EFCAB6: variants seen among roughly 807,000 people sequenced by gnomAD.
EFCAB6 encodes the protein EF-hand calcium binding domain 6, also known as EF-hand calcium-binding domain-containing protein 6.
A neutral mutation model predicts 169.8 loss-of-function variants in EFCAB6; 156 were observed. The ratio of observed to expected loss-of-function variants is 0.92; its 90% CI spans 0.81 to 1.05. The LOEUF (loss-of-function observed/expected upper bound fraction) is 1.05. Among genes scored for constraint, EFCAB6 ranks in the 50% least tolerant of loss-of-function variants. The pLI, the probability that EFCAB6 is intolerant of heterozygous loss-of-function variation, is 0.00. For synonymous variants in EFCAB6, 698 were observed against 676.4 expected (o/e 1.03, Z -0.50); for missense variants, 1,800 against 1,829.1 (o/e 0.98, Z 0.29).
intron 2 of EFCAB6, among the ~76,000 whole-genome samples, chr22:43,793,558 C>T (rs143455773): frequency 6.6e-6 from 1 of 152,322 alleles, no homozygotes; most frequent in African/African-American, 2.4e-5. Context: ...AGTCACTCAC[C>T]ATTTAACTCA....
At chr22:43,670,149 G>A (rs1010613776) in intron 15 of EFCAB6, among the ~76,000 whole-genome samples, 4 of 152,186 alleles carry the variant, frequency 2.6e-5, no homozygotes, top group Non-Finnish European at 2.9e-5. Flanking sequence ...CCTCATTATC[G>A]TCCAACAAAC....
Position 43,678,081 on chromosome 22 carries a change from T to G in EFCAB6, c.1334A>C (p.Lys445Thr). ...AGGGTCAAGCATTTGCATTAGTTCTTTGAATTCTGAATCGCTTAGTTTTAC... is the reference window on the plus strand; with the variant it reads ...AGGGTCAAGCATTTGCATTAGTTCTGTGAATTCTGAATCGCTTAGTTTTAC... The part of the protein sequence containing the change: ...MAVKLSDSEF[K>T]ELMQMLDPGD... Residue 445 changes from lysine (K) to threonine (T), a missense_variant, in exon 13 of 32, where the codon AAA (lysine) becomes ACA (threonine). Lys to Thr is a moderately conservative substitution (Grantham distance 78). Coordinates refer to ENST00000262726, the MANE Select transcript of EFCAB6 (RefSeq NM_022785.4). The G allele has an allele frequency of 1.9e-6, 3 of 1,614,010 alleles. No individual in the cohort carries two copies. Among genetic ancestry groups the G allele is most frequent in the Non-Finnish European group, 2.5e-6 (3 of 1,179,974 alleles).
Position 43,537,248 on chromosome 22 carries a change from A to T in EFCAB6, c.4048+129T>A. 9.2e-6 allele frequency: 11 copies of T among 1,189,594 alleles called. No individual in the cohort carries two copies. The highest frequency in any genetic ancestry group is 1.3e-5 in the Non-Finnish European group (11 of 840,860). 73.7% of individuals were successfully genotyped at this position (1,189,594 alleles called of 1,614,324 possible). A position where few individuals can be genotyped will look rare whatever the true frequency, so the allele number is the denominator to read the frequency against. ...TAGTAAGCTGCACAGCCCACCCAGA[A>T]GTTCCCACCAGTTTCCTGTTCTGCT... On this transcript the variant is annotated intron_variant, in intron 29 of 31. Coordinates refer to ENST00000262726, the MANE Select transcript of EFCAB6 (RefSeq NM_022785.4). This position sits in a 1 kb window ranked among gnomAD's most constrained non-coding sequence, Gnocchi z 4.3.
At position 43,744,187 on chromosome 22, in the gene EFCAB6, T is replaced by A. The variant is rs537805686; in HGVS notation, c.508-8194A>T. Among the ~76,000 whole-genome samples the A allele has an allele frequency of 6.6e-6, 1 of 150,852 alleles. No homozygotes were observed. Among genetic ancestry groups the A allele is most frequent in the South Asian group, 2.1e-4 (1 of 4,762 alleles). On this transcript the variant is annotated intron_variant, in intron 6 of 31. Coordinates refer to ENST00000262726, the MANE Select transcript of EFCAB6 (RefSeq NM_022785.4). This position sits in a 1 kb window ranked among gnomAD's most constrained non-coding sequence, Gnocchi z 4.3. ...ATAGATGGGTAGATGGATGAATGGA[T>A]GGATGATGAATGAATGGATGGAAGG...
intron 17 of EFCAB6, among the ~76,000 whole-genome samples, chr22:43,655,270 T>G (rs1602996957): frequency 6.6e-6 from 1 of 152,036 alleles, no homozygotes; most frequent in Non-Finnish European, 1.5e-5. Context: ...AGTAAATAAA[T>G]AAATAAAATA....
intron 2 of EFCAB6, among the ~76,000 whole-genome samples, chr22:43,802,089 C>T (rs2062742338): frequency 6.6e-6 from 1 of 152,126 alleles, no homozygotes; most frequent in Non-Finnish European, 1.5e-5. Context: ...ATAAAATAGA[C>T]TACAAATCAA....
intron 26 of EFCAB6, among the ~76,000 whole-genome samples, chr22:43,573,713 AAG>A: frequency 6.7e-6 from 1 of 149,046 alleles, no homozygotes; most frequent in Admixed American, 6.7e-5. Context: ...CCTGGGCAAC[AAG>A]AGTGAGTCTG....
chr22:43,689,730 A>G (rs2058337098), intron 10 of EFCAB6, among the ~76,000 whole-genome samples: 1 of 152,238 alleles, frequency 6.6e-6, no homozygotes, highest in African/African-American at 2.4e-5. Context: ...AGGAAAGAAG[A>G]GAAGTGCAAA....
At chr22:43,619,708 A>C (rs78967563) in intron 20 of EFCAB6, among the ~76,000 whole-genome samples, 3,649 of 152,306 alleles carry the variant, frequency 0.024, 126 homozygotes, top group African/African-American at 0.081. Flanking sequence ...ACAAAAGAGA[A>C]AATAAAAATA....
At chr22:43,684,849 T>G (rs1195819367) in intron 11 of EFCAB6, among the ~76,000 whole-genome samples, 1 of 152,224 alleles carries the variant, frequency 6.6e-6, no homozygotes, top group East Asian at 1.9e-4. Context: ...GAGAGCTCTT[T>G]GCTGTGGGGA....
At chr22:43,731,021 G>A (rs1275556164) in intron 8 of EFCAB6, among the ~76,000 whole-genome samples, 1 of 152,158 alleles carries the variant, frequency 6.6e-6, no homozygotes, top group Non-Finnish European at 1.5e-5. Context: ...CTAGACCACT[G>A]AGGGGAAATC....
intron 17 of EFCAB6, among the ~76,000 whole-genome samples, chr22:43,645,163 A>G (rs2056074786): frequency 6.6e-6 from 1 of 152,096 alleles, no homozygotes; most frequent in Admixed American, 6.5e-5. Context: ...TTCACTCTTT[A>G]TTTGCTGCTG....
chr22:43,799,791 C>A (rs1357517631), intron 2 of EFCAB6, among the ~76,000 whole-genome samples: 2 of 152,120 alleles, frequency 1.3e-5, no homozygotes, highest in African/African-American at 4.8e-5. Context: ...GATCTTGGGG[C>A]CACAGCTATG....
At chr22:43,754,011 C>T (rs1023389677) in intron 6 of EFCAB6, among the ~76,000 whole-genome samples, 1 of 152,090 alleles carries the variant, frequency 6.6e-6, no homozygotes, top group Non-Finnish European at 1.5e-5. Context: ...AGTGTGTGAC[C>T]GTTAGAAGGG....
chr22:43,657,574 T>C (rs2056811100), intron 17 of EFCAB6, among the ~76,000 whole-genome samples: 1 of 152,152 alleles, frequency 6.6e-6, no homozygotes, highest in South Asian at 2.1e-4. Context: ...CTAAAACCTA[T>C]ATTAATGTGG....
intron 22 of EFCAB6, among the ~76,000 whole-genome samples, chr22:43,606,718 C>A (rs1002825250): frequency 6.6e-6 from 1 of 152,214 alleles, no homozygotes; most frequent in Admixed American, 6.5e-5. Context: ...GTGGACAAAA[C>A]TCTGACTGCA....
intron 3 of EFCAB6, among the ~76,000 whole-genome samples, chr22:43,774,047 T>C (rs570828217): frequency 1.5e-3 from 229 of 152,190 alleles, no homozygotes; most frequent in African/African-American, 5.4e-3. Flanking sequence ...GGAAATTACA[T>C]AGTAAATCCT....
intron 3 of EFCAB6, among the ~76,000 whole-genome samples, chr22:43,778,167 C>T (rs2061697812): frequency 6.6e-6 from 1 of 152,234 alleles, no homozygotes; most frequent in African/African-American, 2.4e-5. Context: ...AAATTCGTTA[C>T]AGACAGGGTA....
chr22:43,701,085 T>C (rs2058748770), intron 10 of EFCAB6, among the ~76,000 whole-genome samples: 1 of 152,252 alleles, frequency 6.6e-6, no homozygotes, highest in African/African-American at 2.4e-5. Context: ...GATGAATGAA[T>C]GTTTTTTGTG....
Sources: allele counts gnomAD v4.1 joint callset (sites outside exome capture counted in the v4.1 genomes callset), GRCh38; gene constraint gnomAD v4.1.1; non-coding constraint Gnocchi (gnomAD v3.1); transcripts MANE v1.5; gene names NCBI Gene and HGNC (gene_info 2026-07-23, HGNC 2026-07-21).